The following SYT10 variants were observed in gnomAD, a reference collection of about 807,000 sequenced individuals.
SYT10 encodes synaptotagmin-10.
A neutral mutation model predicts 51.1 loss-of-function variants in SYT10; 31 were observed. The observed-to-expected ratio is 0.61, with a 90% confidence interval of 0.46 to 0.82. The LOEUF (loss-of-function observed/expected upper bound fraction) is 0.82. Ranked by LOEUF, SYT10 falls within the 40% of genes least tolerant of loss-of-function variation. The pLI, the probability that SYT10 is intolerant of heterozygous loss-of-function variation, is 0.00. For synonymous variants in SYT10, 233 were observed against 225.9 expected, an observed-to-expected ratio of 1.03 and a Z score of -0.28; for missense variants, 603 against 634.0, an observed-to-expected ratio of 0.95 and a Z score of 0.53.
chr12:33,411,547 A>C (rs986812374), intron 2 of SYT10, among the ~76,000 whole-genome samples: 22 of 152,174 alleles, frequency 1.4e-4, no homozygotes, highest in African/African-American at 5.3e-4. Flanking sequence ...GTGGTATATC[A>C]TATATTAAAA....
chr12:33,429,752 G>A (rs1294548406), intron 1 of SYT10, among the ~76,000 whole-genome samples: 1 of 152,160 alleles, frequency 6.6e-6, no homozygotes, highest in African/African-American at 2.4e-5. Flanking sequence ...GAACTCATAG[G>A]AGATTTTGGT....
At chr12:33,415,103 T>C (rs915596925) in intron 2 of SYT10, among the ~76,000 whole-genome samples, 50 of 152,328 alleles carry the variant, frequency 3.3e-4, no homozygotes, top group Middle Eastern at 3.4e-3. Context: ...GGAAAAAGTG[T>C]TGGACTAGAG....
rs1866147373 is a variant in SYT10 at position 33,385,227 on chromosome 12, G to A, written c.1142C>T (p.Thr381Ile). 2.5e-6 allele frequency: 4 copies of A among 1,613,710 alleles called. No homozygotes were observed. Among genetic ancestry groups the A allele is most frequent in the Non-Finnish European group, 3.4e-6 (4 of 1,179,774 alleles). ...LCYLPTAGRM[T>I]LTVIKCRNLK... ...ATTTCTGCACTTAATGACTGTCAAT[G>A]TCATACGCCCAGCCGTCGGTAGGTA... Residue 381 changes from threonine (T) to isoleucine (I), a missense_variant, in exon 4 of 7, where the codon ACA becomes ATA. By Grantham distance (89) the Thr-to-Ile change is moderately conservative. Coordinates refer to ENST00000228567, the MANE Select transcript of SYT10 (RefSeq NM_198992.4).
chr12:33,424,105 A>C, intron 2 of SYT10: 2 of 423,382 alleles, frequency 4.7e-6, no homozygotes, highest in South Asian at 3.4e-5. Context: ...CCTCTTACAA[A>C]ATATCAGATA....
intron 1 of SYT10, chr12:33,432,374 A>G (rs1454898434): frequency 1.3e-5 from 2 of 152,120 alleles, no homozygotes; most frequent in Non-Finnish European, 2.9e-5. Flanking sequence ...TAAATTATTT[A>G]TAATTGGTGA....
At position 33,407,051 on chromosome 12, in the gene SYT10, T is replaced by C. The variant is rs751501752; in HGVS notation, c.815A>G (p.Lys272Arg). 1 of 1,614,190 alleles carries C rather than the reference T, an allele frequency of 6.2e-7. No homozygotes were observed. The highest frequency in any genetic ancestry group is 1.7e-5 in the Admixed American group (1 of 60,024). The part of the protein sequence containing the change: ...DFTGTSDPYV[K>R]MYLLPDRKKK... ...TTTCCTATCTGGAAGAAGATACATCTTCACATAAGGGTCAGAAGTTCCTGT... is the reference window on the plus strand; with the variant it reads ...TTTCCTATCTGGAAGAAGATACATCCTCACATAAGGGTCAGAAGTTCCTGT... Residue 272 changes from lysine (K) to arginine (R), a missense_variant, in exon 3 of 7, where the codon AAG becomes AGG. By Grantham distance (26) the Lys-to-Arg change is conservative (BLOSUM62 2). Transcript: ENST00000228567.
chr12:33,389,625 A>G (rs1448450461), intron 3 of SYT10, among the ~76,000 whole-genome samples: 1 of 152,168 alleles, frequency 6.6e-6, no homozygotes, highest in African/African-American at 2.4e-5. Context: ...GGAAGTAAGA[A>G]TCATTAACAC....
intron 1 of SYT10, among the ~76,000 whole-genome samples, chr12:33,427,610 A>G (rs1042948737): frequency 6.6e-6 from 1 of 152,152 alleles, no homozygotes; most frequent in African/African-American, 2.4e-5. Flanking sequence ...AATAAAACGA[A>G]AATTATGCAA....
At chr12:33,383,265 A>G (rs576758356) in intron 4 of SYT10, among the ~76,000 whole-genome samples, 2 of 151,694 alleles carry the variant, frequency 1.3e-5, no homozygotes, top group South Asian at 4.2e-4. Flanking sequence ...AGTACACTAG[A>G]TAGTTAAACA....
chr12:33,399,069 C>T (rs1198826815), intron 3 of SYT10, among the ~76,000 whole-genome samples: 2 of 152,150 alleles, frequency 1.3e-5, no homozygotes, highest in Non-Finnish European at 2.9e-5. Flanking sequence ...ATAATCTTTA[C>T]CAGTACAACC....
chr12:33,385,179 CCAGTAATATCCATCGCCTT>C lies in SYT10; in HGVS notation c.1171_1189del (p.Lys391AlafsTer11). 1 of 1,613,532 alleles carries C rather than the reference CCAGTAATATCCATCGCCTT, an allele frequency of 6.2e-7. No homozygotes were observed. Among genetic ancestry groups the C allele is most frequent in the Non-Finnish European group, 8.5e-7 (1 of 1,179,698 alleles). ...GGCCATTGTGTACATACCTGATGAGCCAGTAATATCCATCGCCTTCAGATTTCTGCACTTAATGACTGTC... is the reference window on the plus strand; with the variant it reads ...GGCCATTGTGTACATACCTGATGAGCCAGATTTCTGCACTTAATGACTGTC... On this transcript the variant is annotated frameshift_variant, in exon 4 of 7. Coordinates refer to ENST00000228567, the MANE Select transcript of SYT10 (RefSeq NM_198992.4). LOFTEE classifies it high-confidence loss of function.
At chr12:33,376,943 A>G (rs1266649737) in intron 6 of SYT10, 42 bp from the exon 7 acceptor site, 5 of 1,597,592 alleles carry the variant, frequency 3.1e-6, no homozygotes, top group Non-Finnish European at 4.3e-6. Flanking sequence ...TAGTACAGAA[A>G]TAGAACACAG....
intron 5 of SYT10, 58 bp downstream of exon 5, chr12:33,382,291 T>C (rs944128667): frequency 7.4e-7 from 1 of 1,352,074 alleles, no homozygotes; most frequent in Non-Finnish European, 9.6e-7. Context: ...AAAAGCTGAG[T>C]TTGGCCTGCG....
rs746474987 is a variant in SYT10 at position 33,439,547 on chromosome 12, CTTT to C, written c.-28_-26del. On this transcript the variant is annotated 5_prime_UTR_variant, in exon 1 of 7. Coordinates refer to ENST00000228567, the MANE Select transcript of SYT10 (RefSeq NM_198992.4). ...TCGTTTGGCTTTTCTTTCGTTTTCTCTTTTTTTCCCAGTTAGCCGTCTTTTCCT... is the reference window on the plus strand; with the variant it reads ...TCGTTTGGCTTTTCTTTCGTTTTCTCTTTTCCCAGTTAGCCGTCTTTTCCT... The C allele has an allele frequency of 6.2e-7, 1 of 1,609,580 alleles. No homozygotes were observed.
At chr12:33,436,679 A>T (rs187497347) in intron 1 of SYT10, among the ~76,000 whole-genome samples, 25 of 152,340 alleles carry the variant, frequency 1.6e-4, no homozygotes, top group Non-Finnish European at 1.2e-4. Context: ...TATCTTACAT[A>T]TATACATGAT....
intron 3 of SYT10, among the ~76,000 whole-genome samples, chr12:33,400,321 T>C (rs1177458983): frequency 1.3e-5 from 2 of 152,102 alleles, no homozygotes; most frequent in East Asian, 3.8e-4. Context: ...ATTAAAAAAT[T>C]TTAGTAATGT....
intron 6 of SYT10, among the ~76,000 whole-genome samples, chr12:33,379,253 GT>G (rs1866092337): frequency 6.6e-6 from 1 of 151,948 alleles, no homozygotes; most frequent in Non-Finnish European, 1.5e-5. Context: ...CTTGCCCGAG[GT>G]TTCACAATAA....
chr12:33,416,242 C>T lies in SYT10; in HGVS notation c.510-8886G>A, dbSNP rs143077155. On this transcript the variant is annotated intron_variant, in intron 2 of 6. Transcript: ENST00000228567. ...ATAACAGGAGTGTGCCACCACGCCCCGCTGATTTTTTTGTATTTTTAGTAG... is the reference window on the plus strand; with the variant it reads ...ATAACAGGAGTGTGCCACCACGCCCTGCTGATTTTTTTGTATTTTTAGTAG... Among the ~76,000 whole-genome samples, 322 of 151,890 alleles carry T rather than the reference C, an allele frequency of 2.1e-3. 1 individual carries two copies. The highest frequency in any genetic ancestry group is 7.4e-3 in the African/African-American group (307 of 41,452).
chr12:33,390,526 C>A (rs1489262084), intron 3 of SYT10, among the ~76,000 whole-genome samples: 3 of 151,466 alleles, frequency 2.0e-5, no homozygotes, highest in Non-Finnish European at 4.4e-5. Context: ...CTTCATCTTA[C>A]AAATTTTTTA....
Sources: allele counts gnomAD v4.1 joint callset (sites outside exome capture counted in the v4.1 genomes callset), GRCh38; gene constraint gnomAD v4.1.1; transcripts MANE v1.5; gene names NCBI Gene and HGNC (gene_info 2026-07-23, HGNC 2026-07-21).